The following CEP76 variants were observed in gnomAD, a reference collection of about 807,000 sequenced individuals.
CEP76 encodes centrosomal protein 76, also known as centrosomal protein of 76 kDa.
Under a neutral mutation model 83.3 loss-of-function variants are expected in CEP76, and 55 were observed. That is an observed-to-expected ratio of 0.66 (90% CI 0.53 to 0.83). CEP76 has a LOEUF of 0.83. Among genes scored for constraint, CEP76 ranks in the 40% least tolerant of loss-of-function variants. CEP76 has a pLI of 0.00. For synonymous variants in CEP76, 270 were observed against 274.5 expected (o/e 0.98, Z 0.16); for missense variants, 694 against 799.5 (o/e 0.87, Z 1.59).
At chr18:12,690,938 A>AG (rs1169898634) in intron 7 of CEP76, among the ~76,000 whole-genome samples, 3 of 138,510 alleles carry the variant, frequency 2.2e-5, no homozygotes, top group African/African-American at 5.0e-5. Flanking sequence ...ATATGCCCAG[A>AG]GCCCCCCCCC....
intron 12 of CEP76, among the ~76,000 whole-genome samples, chr18:12,665,706 A>T (rs1044323280): frequency 4.0e-5 from 6 of 151,790 alleles, no homozygotes; most frequent in African/African-American, 1.5e-4. Flanking sequence ...TTTTTTTTTA[A>T]TTTTTTTTGA....
chr18:12,698,414 C>T (rs1246645255), intron 4 of CEP76, among the ~76,000 whole-genome samples: 3 of 152,110 alleles, frequency 2.0e-5, no homozygotes, highest in Non-Finnish European at 4.4e-5. Context: ...GGTGACCCAC[C>T]TGCCTTGGCC....
At chr18:12,697,821 A>ACCT in intron 4 of CEP76, among the ~76,000 whole-genome samples, 1 of 152,176 alleles carries the variant, frequency 6.6e-6, no homozygotes, top group Admixed American at 6.5e-5. Flanking sequence ...AAAATACAGC[A>ACCT]CATCGAATCT....
chr18:12,693,760 C>T (rs189974876), intron 6 of CEP76, among the ~76,000 whole-genome samples: 3 of 152,144 alleles, frequency 2.0e-5, no homozygotes, highest in Admixed American at 6.5e-5. Flanking sequence ...TCCAACCTGG[C>T]GACAGAGCGA....
intron 11 of CEP76, 51 bp downstream of exon 11, chr18:12,674,485 G>C: frequency 7.7e-7 from 1 of 1,294,082 alleles, no homozygotes; most frequent in African/African-American, 1.5e-5. Context: ...CTGCCGGACT[G>C]ATCTGTAAGA....
Position 12,699,074 on chromosome 18 carries a change from T to C in CEP76, c.425A>G (p.Tyr142Cys), listed in dbSNP as rs901680258. The change falls in exon 4 of 12, where the codon TAT (tyrosine) becomes TGT (cysteine). Residue 142 changes from tyrosine (Y) to cysteine (C), a missense_variant. Coordinates refer to ENST00000262127, the MANE Select transcript of CEP76 (RefSeq NM_024899.4). ...TTTAGAACGAAAACGTTGGTTTCGA[T>C]AATGTAAACATAAAGTAAACGTTGA... ...VCSTFTLCLH[Y>C]RNQRFRSKPV... The C allele has an allele frequency of 6.2e-7, 1 of 1,614,010 alleles. No homozygotes were observed. The highest frequency in any genetic ancestry group is 8.5e-7 in the Non-Finnish European group (1 of 1,179,982).
Position 12,680,725 on chromosome 18 carries a change from G to A in CEP76, c.1226C>T (p.Ala409Val). The change falls in exon 9 of 12, where the codon GCA becomes GTA. Residue 409 changes from alanine (A) to valine (V), a missense_variant. Ala to Val is a moderately conservative substitution (Grantham distance 64). Transcript: ENST00000262127. ...VGTKAKGVPH[A>V]WVMTCGTDGA... ...ATCAGTTCCACAAGTCATAACCCAT[G>A]CATGAGGTACTCCTTTTGCCTTGGT... 1 of 1,613,482 alleles carries A rather than the reference G, an allele frequency of 6.2e-7. No individual in the cohort carries two copies. The highest frequency in any genetic ancestry group is 8.5e-7 in the Non-Finnish European group (1 of 1,179,884).
chr18:12,674,779 A>C (rs767762009), intron 10 of CEP76, 26 bp from the exon 11 acceptor site: 3 of 1,457,194 alleles, frequency 2.1e-6, no homozygotes, highest in Non-Finnish European at 2.8e-6. Flanking sequence ...AGAAAAAGAA[A>C]AAGTGAAATA....
intron 10 of CEP76, among the ~76,000 whole-genome samples, chr18:12,676,501 C>T (rs993996406): frequency 5.3e-5 from 8 of 151,934 alleles, no homozygotes; most frequent in African/African-American, 1.5e-4. Flanking sequence ...TCTTGAACTC[C>T]TGAGCTCAAG....
intron 7 of CEP76, among the ~76,000 whole-genome samples, chr18:12,688,281 A>G (rs1277971069): frequency 1.3e-5 from 2 of 151,980 alleles, no homozygotes; most frequent in Non-Finnish European, 2.9e-5. Flanking sequence ...CAATTTCTGT[A>G]ACTTATTTTA....
intron 12 of CEP76, among the ~76,000 whole-genome samples, chr18:12,665,565 C>A (rs78543731): frequency 6.6e-6 from 1 of 152,108 alleles, no homozygotes; most frequent in Non-Finnish European, 1.5e-5. Flanking sequence ...CTCCTACTCT[C>A]GACCTAGCAA....
In CEP76 at chr18:12,673,067, G is replaced by A. The variant is rs1373462030; in HGVS notation, c.*298C>T. 9.9e-7 allele frequency: 1 copy of A among 1,013,504 alleles called. No individual in the cohort carries two copies. Among genetic ancestry groups the A allele is most frequent in the East Asian group, 8.9e-5 (1 of 11,262 alleles). 62.8% of individuals were successfully genotyped at this position (1,013,504 alleles called of 1,614,324 possible). On this transcript the variant is annotated 3_prime_UTR_variant, in exon 12 of 12. Transcript: ENST00000262127. The stretch of plus-strand genomic sequence containing the variant: ...CCTGTTTGTGTAAAGAAAACTGAAT[G>A]CATTTTATATTAATATTTAAACTAC...
chr18:12,667,017 C>T (rs1049679238), intron 12 of CEP76, among the ~76,000 whole-genome samples: 16 of 151,446 alleles, frequency 1.1e-4, no homozygotes, highest in East Asian at 3.9e-4. Context: ...AAGATGTATA[C>T]GGAAAACAAC....
At chr18:12,694,327 G>A (rs2039873303) in intron 6 of CEP76, among the ~76,000 whole-genome samples, 1 of 152,188 alleles carries the variant, frequency 6.6e-6, no homozygotes, top group Non-Finnish European at 1.5e-5. Context: ...AGGCAGGGTG[G>A]AGTAAAGGGT....
intron 2 of CEP76, chr18:12,700,199 G>T: frequency 4.9e-6 from 1 of 203,116 alleles, no homozygotes; most frequent in East Asian, 1.1e-4. Flanking sequence ...TAAACTTTCT[G>T]TAAACCTTAT....
intron 4 of CEP76, among the ~76,000 whole-genome samples, chr18:12,697,976 C>T (rs2040014079): frequency 1.3e-5 from 2 of 151,728 alleles, no homozygotes; most frequent in Non-Finnish European, 1.5e-5. Context: ...TAAAGATTTC[C>T]ATACTGACAA....
At chr18:12,681,745 G>A (rs1466302046) in intron 8 of CEP76, among the ~76,000 whole-genome samples, 2 of 152,098 alleles carry the variant, frequency 1.3e-5, no homozygotes, top group Non-Finnish European at 2.9e-5. Flanking sequence ...GGTTATTACT[G>A]GGGAGGTTAT....
chr18:12,682,697 C>T (rs1400036458), intron 8 of CEP76, among the ~76,000 whole-genome samples: 2 of 152,010 alleles, frequency 1.3e-5, no homozygotes, highest in Non-Finnish European at 2.9e-5. Context: ...GGCATGACCT[C>T]GGCTCACTAC....
intron 12 of CEP76, among the ~76,000 whole-genome samples, chr18:12,664,558 C>A (rs12958317): frequency 0.79 from 119,497 of 150,460 alleles, 47,819 homozygotes; most frequent in Non-Finnish European, 0.83. Flanking sequence ...TCAAAAAAAA[C>A]AAAATTTGTA....
Sources: gnomAD v4.1 joint callset for allele counts (sites outside exome capture counted in the v4.1 genomes callset) on GRCh38, gnomAD v4.1.1 for gene constraint, MANE v1.5 for transcripts, NCBI Gene and HGNC (gene_info 2026-07-23, HGNC 2026-07-21) for gene names.